Variants in POU2AF2 observed in about 807,000 individuals in gnomAD.
The protein encoded by POU2AF2 is POU domain class 2-associating factor 2.
chr11:111,272,184 T>A, the POU2AF2 span, among the ~76,000 whole-genome samples: 1 of 152,224 alleles, frequency 6.6e-6, no homozygotes, highest in Non-Finnish European at 1.5e-5. Context: ...ACTGATTTCC[T>A]TTTATCTAGC....
the POU2AF2 span, among the ~76,000 whole-genome samples, chr11:111,250,405 T>A: frequency 6.6e-6 from 1 of 152,324 alleles, no homozygotes; most frequent in East Asian, 1.9e-4. Context: ...CGTTACAACA[T>A]AAACTGTAAA....
chr11:111,285,517 A>T, the POU2AF2 span: 1 of 818,934 alleles, frequency 1.2e-6, no homozygotes, highest in African/African-American at 1.8e-5. Context: ...CGGAGAGAAG[A>T]GCAGCCTGAG....
At chr11:111,261,217 A>G in the POU2AF2 span, among the ~76,000 whole-genome samples, 1 of 151,764 alleles carries the variant, frequency 6.6e-6, no homozygotes, top group South Asian at 2.1e-4. Context: ...ATCTTCTACC[A>G]AGATATATAA....
chr11:111,264,491 C>CAAAAGAAAGAAA, the POU2AF2 span, among the ~76,000 whole-genome samples: 40 of 86,058 alleles, frequency 4.6e-4, no homozygotes, highest in African/African-American at 1.6e-3. Context: ...GCAAGACTCA[C>CAAAAGAAAGAAA]GAAAGAAAGA....
chr11:111,282,293 A>G, the POU2AF2 span, among the ~76,000 whole-genome samples: 1 of 152,214 alleles, frequency 6.6e-6, no homozygotes, highest in East Asian at 1.9e-4. Flanking sequence ...GCTCTCATAA[A>G]TATAATTTCA....
the POU2AF2 span, among the ~76,000 whole-genome samples, chr11:111,259,574 C>T: frequency 6.6e-6 from 1 of 152,158 alleles, no homozygotes; most frequent in East Asian, 1.9e-4. Flanking sequence ...CCTCGGCCCC[C>T]CAAAGTGCTG....
At chr11:111,285,927 C>T in the POU2AF2 span, 37 of 1,613,952 alleles carry the variant, frequency 2.3e-5, no homozygotes, top group Non-Finnish European at 3.0e-5. Context: ...AATGACCTAC[C>T]GCCCAAGGTG....
At chr11:111,259,999 C>T in the POU2AF2 span, among the ~76,000 whole-genome samples, 1 of 152,352 alleles carries the variant, frequency 6.6e-6, no homozygotes, top group East Asian at 1.9e-4. Flanking sequence ...TTAACCACTA[C>T]TCTAGAATAT....
At chr11:111,273,900 A>G in the POU2AF2 span, among the ~76,000 whole-genome samples, 2 of 152,192 alleles carry the variant, frequency 1.3e-5, no homozygotes, top group Admixed American at 6.5e-5. Flanking sequence ...AAATTTGGCT[A>G]GCTGGCATTG....
At chr11:111,285,966 A>C in the POU2AF2 span, 1 of 1,614,012 alleles carries the variant, frequency 6.2e-7, no homozygotes, top group Non-Finnish European at 8.5e-7. Flanking sequence ...GAGGAAGCAG[A>C]CACCGGTTCC....
the POU2AF2 span, among the ~76,000 whole-genome samples, chr11:111,279,839 C>T: frequency 1.3e-5 from 2 of 151,484 alleles, no homozygotes; most frequent in East Asian, 1.9e-4. Flanking sequence ...GTCAGGAGTT[C>T]GAGACCAGCC....
At chr11:111,264,577 G>GAAA in the POU2AF2 span, among the ~76,000 whole-genome samples, 811 of 22,934 alleles carry the variant, frequency 0.035, 178 homozygotes, top group South Asian at 0.1. Flanking sequence ...AGAAAGAAAG[G>GAAA]GAGAGAGAAA....
the POU2AF2 span, among the ~76,000 whole-genome samples, chr11:111,258,183 A>G: frequency 1.2e-4 from 18 of 152,226 alleles, no homozygotes; most frequent in African/African-American, 3.9e-4. Flanking sequence ...AGAGAGAGAG[A>G]GAAGGAATTC....
chr11:111,247,878 C>CTTTT, the POU2AF2 span, among the ~76,000 whole-genome samples: 5 of 115,016 alleles, frequency 4.3e-5, no homozygotes, highest in Admixed American at 1.0e-4. Context: ...TATAAGTGGC[C>CTTTT]TTTTTTTTTT....
the POU2AF2 span, among the ~76,000 whole-genome samples, chr11:111,268,479 TTTATTTTATTTTATTTTATTTTA>T: frequency 2.3e-3 from 58 of 25,382 alleles, 1 homozygote; most frequent in African/African-American, 7.2e-3. Flanking sequence ...TTTTTCTTTT[TTTATTTTATTTTATTTTATTTTA>T]TTTTATTTTA....
At chr11:111,276,556 C>T in the POU2AF2 span, among the ~76,000 whole-genome samples, 3 of 142,198 alleles carry the variant, frequency 2.1e-5, no homozygotes, top group Non-Finnish European at 4.5e-5. Flanking sequence ...AGAGGAGAAT[C>T]GCTTGAACCC....
At chr11:111,254,023 G>A in the POU2AF2 span, among the ~76,000 whole-genome samples, 49 of 152,206 alleles carry the variant, frequency 3.2e-4, no homozygotes, top group African/African-American at 9.9e-4. Context: ...CACTTAGCAC[G>A]TTTGCATCAC....
chr11:111,280,787 GA>G, the POU2AF2 span, among the ~76,000 whole-genome samples: 495 of 152,130 alleles, frequency 3.3e-3, 1 homozygote, highest in Non-Finnish European at 4.6e-3. Flanking sequence ...AATAAGGAAA[GA>G]AAAAAAATGT....
the POU2AF2 span, chr11:111,286,182 A>C: frequency 9.6e-7 from 1 of 1,041,086 alleles, no homozygotes; most frequent in Non-Finnish European, 1.4e-6. Flanking sequence ...TTGTTAGTGG[A>C]CGAGGGCATT....
Sources: allele counts gnomAD v4.1 joint callset (sites outside exome capture counted in the v4.1 genomes callset), GRCh38; gene constraint gnomAD v4.1.1; transcripts MANE v1.5; gene names NCBI Gene and HGNC (gene_info 2026-07-23, HGNC 2026-07-21).